The following UBE2V1 variants were observed in gnomAD, a reference collection of about 807,000 sequenced individuals.
UBE2V1 encodes the protein ubiquitin-conjugating enzyme E2 variant 1.
UBE2V1 carries 15 observed loss-of-function variants against 19.6 expected under a neutral mutation model. The observed-to-expected ratio is 0.77, with a 90% CI of 0.51 to 1.18. UBE2V1 has a LOEUF of 1.18. UBE2V1 is among the 50% of genes most tolerant of loss of function. The pLI is 0.00. For synonymous variants in UBE2V1, 60 were observed against 60.7 expected (o/e 0.99, Z 0.05); for missense variants, 125 against 184.8 (o/e 0.68, Z 1.88).
intron 2 of UBE2V1, among the ~76,000 whole-genome samples, chr20:50,085,753 A>G (rs915959045): frequency 1.3e-5 from 2 of 152,018 alleles, no homozygotes; most frequent in African/African-American, 4.8e-5. Flanking sequence ...CCAAACTACA[A>G]CCAAACCAAA....
intron 1 of UBE2V1, 124 bp downstream of exon 1, chr20:50,112,983 G>A (rs947009424): frequency 1.4e-5 from 6 of 423,060 alleles, no homozygotes; most frequent in Non-Finnish European, 2.4e-5. Flanking sequence ...GGTGGCTGCC[G>A]CGGAGCCCAG....
intron 2 of UBE2V1, among the ~76,000 whole-genome samples, chr20:50,087,808 C>G (rs1305803556): frequency 6.6e-6 from 1 of 152,128 alleles, no homozygotes; most frequent in African/African-American, 2.4e-5. Context: ...ACTATATGAA[C>G]ATGGCATATT....
intron 2 of UBE2V1, chr20:50,096,366 T>A: frequency 2.3e-6 from 1 of 432,464 alleles, no homozygotes; most frequent in Non-Finnish European, 4.0e-6. Flanking sequence ...AGGGCCTAGT[T>A]ATTTGGTTAG....
intron 2 of UBE2V1, among the ~76,000 whole-genome samples, chr20:50,094,298 T>TCATTATATAATATATAATGCATTATATA (rs59144352): frequency 6.2e-5 from 5 of 81,138 alleles, no homozygotes; most frequent in Admixed American, 2.4e-4. Context: ...AATATATAAT[T>TCATTATATAATATATAATGCATTATATA]ATATATAATA....
intron 1 of UBE2V1, among the ~76,000 whole-genome samples, chr20:50,112,454 C>T (rs2080818698): frequency 6.6e-6 from 1 of 152,078 alleles, no homozygotes. Context: ...GAATCCTTTT[C>T]CCTCCTCTCA....
chr20:50,113,153 C>G (rs1351841476), upstream of UBE2V1: 2 of 1,329,902 alleles, frequency 1.5e-6, no homozygotes, highest in East Asian at 3.0e-5. Context: ...GCTTGAAGGC[C>G]GGCCCCTTCT....
At chr20:50,094,731 T>A (rs2079522819) in intron 2 of UBE2V1, among the ~76,000 whole-genome samples, 1 of 151,754 alleles carries the variant, frequency 6.6e-6, no homozygotes, top group Admixed American at 6.6e-5. Flanking sequence ...AAATGGGGGA[T>A]GTGGGAGGGA....
At chr20:50,094,025 TAATAATAAA>T (rs1185726096) in intron 2 of UBE2V1, among the ~76,000 whole-genome samples, 110 of 103,036 alleles carry the variant, frequency 1.1e-3, no homozygotes, top group African/African-American at 4.4e-3. Flanking sequence ...ATAATAATAA[TAATAATAAA>T]ATATATATAT....
At chr20:50,093,134 CAAT>C (rs1268332161) in intron 2 of UBE2V1, among the ~76,000 whole-genome samples, 2 of 152,234 alleles carry the variant, frequency 1.3e-5, no homozygotes, top group Admixed American at 6.5e-5. Flanking sequence ...TACTCAAAGA[CAAT>C]GATGTTGTTT....
Position 50,082,567 on chromosome 20 carries a change from T to C in UBE2V1, c.*201A>G, listed in dbSNP as rs2078687891. The stretch of plus-strand genomic sequence containing the variant: ...TTACACTTGACAGGATGATTTGTTA[T>C]AGCACAACTTATATATTTCAAATGG... On this transcript the variant is annotated 3_prime_UTR_variant, in exon 4 of 4. Coordinates refer to ENST00000371674, the MANE Select transcript of UBE2V1 (RefSeq NM_001032288.3). The C allele has an allele frequency of 2.1e-6, 2 of 967,680 alleles. No individual in the cohort carries two copies. The highest frequency in any genetic ancestry group is 3.8e-5 in the South Asian group (2 of 52,288). The allele number at this position is 967,680 out of a possible 1,614,324, so 59.9% of individuals were successfully genotyped here. A position where few individuals can be genotyped will look rare whatever the true frequency, so the allele number is the denominator to read the frequency against.
chr20:50,115,838 T>C, upstream of UBE2V1: 1 of 338,564 alleles, frequency 3.0e-6, no homozygotes. Flanking sequence ...GCCTTTTATC[T>C]ATGGTGCCCG....
At chr20:50,101,728 A>G (rs978645052) in intron 1 of UBE2V1, among the ~76,000 whole-genome samples, 4 of 152,162 alleles carry the variant, frequency 2.6e-5, no homozygotes, top group African/African-American at 9.7e-5. Context: ...TAGTTATCCA[A>G]TACCTATCCA....
At chr20:50,108,070 G>C (rs2080505651) in intron 1 of UBE2V1, among the ~76,000 whole-genome samples, 1 of 152,244 alleles carries the variant, frequency 6.6e-6, no homozygotes, top group African/African-American at 2.4e-5. Flanking sequence ...AAAGGGATGG[G>C]TTATTCTGTA....
chr20:50,114,240 G>A (rs1424828335), upstream of UBE2V1, among the ~76,000 whole-genome samples: 1 of 152,172 alleles, frequency 6.6e-6, no homozygotes, highest in Non-Finnish European at 1.5e-5. Context: ...ACTGGCAGAA[G>A]GACCAGGACT....
intron 1 of UBE2V1, among the ~76,000 whole-genome samples, chr20:50,107,740 C>T (rs1442608055): frequency 6.6e-6 from 1 of 152,134 alleles, no homozygotes; most frequent in Non-Finnish European, 1.5e-5. Context: ...TTACTGAGTA[C>T]CTACTATTTT....
intron 2 of UBE2V1, among the ~76,000 whole-genome samples, chr20:50,088,293 T>C (rs1487879579): frequency 6.6e-6 from 1 of 151,972 alleles, no homozygotes; most frequent in Non-Finnish European, 1.5e-5. Context: ...AAAAAACAGA[T>C]ATAAGTAAAA....
intron 3 of UBE2V1, 141 bp from the exon 4 acceptor site, chr20:50,083,055 G>A (rs1212150269): frequency 2.0e-5 from 27 of 1,350,138 alleles, no homozygotes; most frequent in African/African-American, 2.9e-5. Context: ...CCTTACATGC[G>A]GAATACCTAC....
chr20:50,102,358 G>A (rs1332977614), intron 1 of UBE2V1, among the ~76,000 whole-genome samples: 1 of 152,144 alleles, frequency 6.6e-6, no homozygotes, highest in Non-Finnish European at 1.5e-5. Flanking sequence ...CAAAAGGTCT[G>A]CAAACCTCAT....
intron 2 of UBE2V1, among the ~76,000 whole-genome samples, chr20:50,089,189 A>AG (rs1218955222): frequency 1.3e-5 from 2 of 152,020 alleles, no homozygotes; most frequent in Non-Finnish European, 2.9e-5. Flanking sequence ...CTCTTAAGGG[A>AG]GGGGGGGATA....
Sources: allele counts gnomAD v4.1 joint callset (sites outside exome capture counted in the v4.1 genomes callset), GRCh38; gene constraint gnomAD v4.1.1; transcripts MANE v1.5; gene names NCBI Gene and HGNC (gene_info 2026-07-23, HGNC 2026-07-21).